The following ZHX2 variants were observed in gnomAD, a reference collection of about 807,000 sequenced individuals.
ZHX2 encodes the protein zinc fingers and homeoboxes protein 2.
ZHX2 carries 6 observed loss-of-function variants against 21.9 expected under a neutral mutation model. The observed-to-expected ratio is 0.27, with a 90% CI of 0.15 to 0.54. ZHX2 has a LOEUF of 0.54. ZHX2 is among the 20% of genes least tolerant of loss of function. The pLI, the probability that ZHX2 is intolerant of heterozygous loss-of-function variation, is 0.95. For missense variants in ZHX2, 908 were observed against 1,090.7 expected, an observed-to-expected ratio of 0.83 and a Z score of 2.36; for synonymous variants, 434 against 437.1, an observed-to-expected ratio of 0.99 and a Z score of 0.09.
chr8:122,813,123 GA>G (rs977536110), intron 1 of ZHX2, among the ~76,000 whole-genome samples: 1 of 151,718 alleles, frequency 6.6e-6, no homozygotes, highest in African/African-American at 2.4e-5. Context: ...TTGAACCTGG[GA>G]GGCGGAGGTT....
At chr8:122,912,941 A>G (rs1820516584) in intron 2 of ZHX2, among the ~76,000 whole-genome samples, 1 of 152,180 alleles carries the variant, frequency 6.6e-6, no homozygotes, top group Non-Finnish European at 1.5e-5. Flanking sequence ...GGTTTTTAAT[A>G]TATTCAGAGT....
chr8:122,949,101 G>A (rs1195811155), intron 2 of ZHX2, among the ~76,000 whole-genome samples: 3 of 152,212 alleles, frequency 2.0e-5, no homozygotes, highest in Non-Finnish European at 4.4e-5. Context: ...AAGGCAGGCA[G>A]ATCACCTGAG....
intron 3 of ZHX2, among the ~76,000 whole-genome samples, chr8:122,965,634 G>A (rs748457501): frequency 1.3e-5 from 2 of 152,116 alleles, no homozygotes; most frequent in African/African-American, 2.4e-5. Context: ...CAGTTGTTGA[G>A]TAGAACATTC....
intron 1 of ZHX2, among the ~76,000 whole-genome samples, chr8:122,850,639 C>CAAAAAA (rs60682747): frequency 1.8e-5 from 2 of 114,188 alleles, no homozygotes; most frequent in African/African-American, 6.6e-5. Flanking sequence ...GACTCTGTCT[C>CAAAAAA]AAAAAAAAAA....
chr8:122,911,525 C>A (rs16897630), intron 2 of ZHX2, among the ~76,000 whole-genome samples: 1,540 of 152,268 alleles, frequency 0.01, 44 homozygotes, highest in Admixed American at 0.054. Flanking sequence ...AAGGGAAGAG[C>A]TGCCACCAGC....
chr8:122,921,664 G>C (rs1461956928), intron 2 of ZHX2, among the ~76,000 whole-genome samples: 1 of 144,418 alleles, frequency 6.9e-6, no homozygotes, highest in Non-Finnish European at 1.5e-5. Flanking sequence ...GAGAGAGAGA[G>C]AGAAAGTGAG....
intron 2 of ZHX2, among the ~76,000 whole-genome samples, chr8:122,879,506 GTTT>G (rs150176374): frequency 2.8e-5 from 4 of 145,054 alleles, no homozygotes; most frequent in African/African-American, 5.1e-5. Context: ...CACCGGGCTG[GTTT>G]TTTTTTTTTT....
chr8:122,860,399 A>C (rs751552223), intron 1 of ZHX2, among the ~76,000 whole-genome samples: 22 of 152,242 alleles, frequency 1.4e-4, no homozygotes, highest in Non-Finnish European at 2.9e-5. Context: ...TAAATGATAT[A>C]TGCATTTCTG....
chr8:122,808,610 A>T (rs1002647804), intron 1 of ZHX2: 3 of 152,234 alleles, frequency 2.0e-5, no homozygotes, highest in Non-Finnish European at 2.9e-5. Context: ...GTGGGGACAC[A>T]GTCAAACCAT....
chr8:122,968,957 G>A (rs1426920942), intron 3 of ZHX2, among the ~76,000 whole-genome samples: 2 of 151,672 alleles, frequency 1.3e-5, no homozygotes, highest in African/African-American at 4.9e-5. Context: ...CCAAGAGTTC[G>A]AGACCAGCCT....
Position 122,781,754 on chromosome 8 carries a change from G to A in ZHX2, c.-475G>A, listed in dbSNP as rs935485170. On this transcript the variant is annotated 5_prime_UTR_variant, in exon 1 of 4. Transcript: ENST00000314393. This position sits in a 1 kb window ranked among gnomAD's most constrained non-coding sequence, Gnocchi z 4.6. Reference sequence around the variant, plus strand: ...TTAAAAATTTTGGCCATCGTTCTCCGTACGGGGGCTTTTTCTGTCTGTCTG... The same window carrying A: ...TTAAAAATTTTGGCCATCGTTCTCCATACGGGGGCTTTTTCTGTCTGTCTG... 1 of 143,824 alleles carries A rather than the reference G, an allele frequency of 7.0e-6. No individual in the cohort carries two copies. Among genetic ancestry groups the A allele is most frequent in the Non-Finnish European group, 1.5e-5 (1 of 66,452 alleles). 8.9% of individuals were successfully genotyped at this position (143,824 alleles called of 1,614,324 possible).
At chr8:122,819,645 G>A (rs545415962) in intron 1 of ZHX2, among the ~76,000 whole-genome samples, 8 of 152,314 alleles carry the variant, frequency 5.3e-5, no homozygotes, top group Non-Finnish European at 1.0e-4. Flanking sequence ...ATTGGAGGGG[G>A]TGTCCTGCTC....
intron 1 of ZHX2, among the ~76,000 whole-genome samples, chr8:122,855,999 C>G (rs969975586): frequency 6.6e-6 from 1 of 152,166 alleles, no homozygotes; most frequent in Non-Finnish European, 1.5e-5. Flanking sequence ...GGAACATATC[C>G]CAAGTTCAAG....
At chr8:122,875,204 T>C (rs1819543476) in intron 2 of ZHX2, among the ~76,000 whole-genome samples, 1 of 115,122 alleles carries the variant, frequency 8.7e-6, no homozygotes, top group African/African-American at 3.1e-5. Flanking sequence ...TCCTTTTACT[T>C]TGCCTTCCTT....
In ZHX2 at chr8:122,873,266, G is replaced by A. The variant is rs535427644; in HGVS notation, c.-220+9727G>A. On this transcript the variant is annotated intron_variant, in intron 2 of 3. Transcript: ENST00000314393. ...ACTGAACCTGGAGCTGGCCTTTGTGGCCCAGAACACATGTGAGAGTGAAGG... is the reference window on the plus strand; with the variant it reads ...ACTGAACCTGGAGCTGGCCTTTGTGACCCAGAACACATGTGAGAGTGAAGG... Among the ~76,000 whole-genome samples, 9 of 152,354 alleles carry A rather than the reference G, an allele frequency of 5.9e-5. 1 individual carries two copies. The South Asian group carries it at 1.9e-3, about 32-fold the overall frequency.
At chr8:122,945,411 C>T (rs71514790) in intron 2 of ZHX2, among the ~76,000 whole-genome samples, 1 of 118,578 alleles carries the variant, frequency 8.4e-6, no homozygotes, top group Non-Finnish European at 1.6e-5. Context: ...CTGATCATTT[C>T]TCTTTTATAT....
At chr8:122,878,585 A>G (rs1006738674) in intron 2 of ZHX2, among the ~76,000 whole-genome samples, 1 of 152,190 alleles carries the variant, frequency 6.6e-6, no homozygotes, top group Non-Finnish European at 1.5e-5. Flanking sequence ...GCAGAAAGGT[A>G]CAAGAGCTTT....
chr8:122,875,143 A>T (rs1226569648), intron 2 of ZHX2, among the ~76,000 whole-genome samples: 17 of 2,888 alleles, frequency 5.9e-3, no homozygotes, highest in African/African-American at 0.014. Context: ...ATATATATAT[A>T]TATATATATA....
At chr8:122,936,460 C>G (rs1386658324) in intron 2 of ZHX2, among the ~76,000 whole-genome samples, 1 of 152,102 alleles carries the variant, frequency 6.6e-6, no homozygotes, top group Non-Finnish European at 1.5e-5. Context: ...TAGAACCAAC[C>G]CAAGAATGAC....
Sources: allele counts gnomAD v4.1 joint callset (sites outside exome capture counted in the v4.1 genomes callset), GRCh38; gene constraint gnomAD v4.1.1; non-coding constraint Gnocchi (gnomAD v3.1); transcripts MANE v1.5; gene names NCBI Gene and HGNC (gene_info 2026-07-23, HGNC 2026-07-21).